Variants in CELF2 observed in about 807,000 individuals in gnomAD.
CELF2 encodes CUG triplet repeat RNA-binding protein 2.
Under a neutral mutation model 62.6 loss-of-function variants are expected in CELF2, and 8 were observed. The ratio of observed to expected loss-of-function variants is 0.13; its 90% CI spans 0.07 to 0.23. The LOEUF (loss-of-function observed/expected upper bound fraction) is 0.23. Ranked by LOEUF, CELF2 falls within the 10% of genes least tolerant of loss-of-function variation. The pLI, the probability that CELF2 is intolerant of heterozygous loss-of-function variation, is 1.00. For missense variants in CELF2, 333 were observed against 671.0 expected (o/e 0.50, Z 5.56); for synonymous variants, 258 against 250.0 (o/e 1.03, Z -0.30).
the CELF2 span, among the ~76,000 whole-genome samples, chr10:10,577,564 G>A: frequency 2.1e-5 from 3 of 144,538 alleles, no homozygotes; most frequent in Non-Finnish European, 4.5e-5. Context: ...CTGTGTCCAC[G>A]TGTTCTCATT....
At chr10:10,606,706 G>T in the CELF2 span, among the ~76,000 whole-genome samples, 1 of 152,120 alleles carries the variant, frequency 6.6e-6, no homozygotes, top group Non-Finnish European at 1.5e-5. Flanking sequence ...GTACCTTAAA[G>T]TTCTCTGGAG....
chr10:10,704,711 G>A, the CELF2 span, among the ~76,000 whole-genome samples: 8 of 151,990 alleles, frequency 5.3e-5, no homozygotes, highest in Admixed American at 1.3e-4. Flanking sequence ...CCCTCATCTC[G>A]CTGTCTGAAC....
intron 1 of CELF2, among the ~76,000 whole-genome samples, chr10:11,065,452 A>G (rs1353101575): frequency 6.6e-6 from 1 of 152,128 alleles, no homozygotes; most frequent in Non-Finnish European, 1.5e-5. Context: ...AATGCGGTAC[A>G]CTAAGTAGTT....
In CELF2 at chr10:11,242,744, C is replaced by G. The variant is rs1243448476; in HGVS notation, c.355-6409C>G. On this transcript the variant is annotated intron_variant, in intron 3 of 12. Transcript: ENST00000633077. This position sits in a 1 kb window ranked among gnomAD's most constrained non-coding sequence, Gnocchi z 4.8. ...GGCATCAGGTCCAGTCACAGGCCAG[C>G]CAGGGTGAGGACCAGGGTGGACCAC... 6.6e-6 allele frequency among the ~76,000 whole-genome samples: 1 copy of G among 152,138 alleles called. No homozygotes were observed. Among genetic ancestry groups the G allele is most frequent in the Non-Finnish European group, 1.5e-5 (1 of 68,024 alleles).
chr10:10,581,245 T>C, the CELF2 span, among the ~76,000 whole-genome samples: 1,014 of 152,308 alleles, frequency 6.7e-3, 13 homozygotes, highest in African/African-American at 0.023. Flanking sequence ...TCCCCAGATA[T>C]TAGTTTAAGT....
the CELF2 span, among the ~76,000 whole-genome samples, chr10:10,728,314 G>T: frequency 7.6e-4 from 115 of 151,378 alleles, no homozygotes; most frequent in East Asian, 0.018. Context: ...TTAGCCAGGC[G>T]TGGTGGTGTG....
In CELF2 at chr10:10,934,347, C is replaced by T. The variant is rs2066410971; in HGVS notation, c.89+14348C>T. 6.6e-6 allele frequency among the ~76,000 whole-genome samples: 1 copy of T among 152,206 alleles called. No homozygotes were observed. The highest frequency in any genetic ancestry group is 1.5e-5 in the Non-Finnish European group (1 of 68,038). On this transcript the variant is annotated intron_variant, in intron 2 of 13. Transcript: ENST00000636488. The surrounding 1 kb of genome is among the most constrained non-coding windows in gnomAD (Gnocchi z 4.4). ...AAGTCTACCGTGCTCACCTTTCTATCCTCAACACCTAGCATAGTGCCTCCA... is the reference window on the plus strand; with the variant it reads ...AAGTCTACCGTGCTCACCTTTCTATTCTCAACACCTAGCATAGTGCCTCCA...
chr10:10,930,859 G>C (rs899715539), intron 2 of CELF2, among the ~76,000 whole-genome samples: 4 of 151,980 alleles, frequency 2.6e-5, no homozygotes, highest in Admixed American at 2.6e-4. Flanking sequence ...GTAGTATAAA[G>C]CACACCCATG....
rs577791937 is a variant in CELF2 at position 10,939,722 on chromosome 10, A to T, written c.89+19723A>T. On this transcript the variant is annotated intron_variant, in intron 2 of 13. Coordinates refer to the CELF2 transcript ENST00000636488. ...GTAATCCCAGCACTTTGGGAGGCCG[A>T]GGCGGACGGATCACGAGGTCAGGAG... 3.3e-5 allele frequency among the ~76,000 whole-genome samples: 5 copies of T among 152,136 alleles called. No homozygotes were observed. The South Asian group carries it at 8.3e-4, about 25-fold the overall frequency.
Position 11,197,025 on chromosome 10 carries a change from A to AAAGAAAGAAAGAAAGAAAGAAAGGAAAG in CELF2, c.272-20398_272-20397insGAAAGAAAGAAAGAAAGAAAGGAAAGAA, listed in dbSNP as rs1554936315. Among the ~76,000 whole-genome samples the AAAGAAAGAAAGAAAGAAAGAAAGGAAAG allele has an allele frequency of 7.7e-5, 2 of 26,132 alleles. 1 individual carries two copies. The highest frequency in any genetic ancestry group is 6.2e-4 in the Admixed American group (2 of 3,218). 17.1% of individuals were successfully genotyped at this position (26,132 alleles called of 152,430 possible). A position where few individuals can be genotyped will look rare whatever the true frequency, so the allele number is the denominator to read the frequency against. On this transcript the variant is annotated intron_variant, in intron 2 of 12. Transcript: ENST00000633077. ...AGGAGAAAGAAAGAAAGAAAGAAAGAAAAGAAAGAAAGAAAGAAAGAAAGA... is the reference window on the plus strand; with the variant it reads ...AGGAGAAAGAAAGAAAGAAAGAAAGAAAGAAAGAAAGAAAGAAAGAAAGGAAAGAAAGAAAGAAAGAAAGAAAGAAAGA...
chr10:10,858,235 A>G (rs191014078), intron 1 of CELF2, among the ~76,000 whole-genome samples: 2 of 152,266 alleles, frequency 1.3e-5, no homozygotes, highest in East Asian at 3.9e-4. Context: ...GCAGGGATGG[A>G]AAATGTTGCC....
At chr10:10,663,122 A>G in the CELF2 span, among the ~76,000 whole-genome samples, 3 of 152,230 alleles carry the variant, frequency 2.0e-5, no homozygotes, top group African/African-American at 7.2e-5. Flanking sequence ...CTGAAATATT[A>G]CAGGGGCTAA....
chr10:10,527,940 T>G, the CELF2 span, among the ~76,000 whole-genome samples: 1 of 152,206 alleles, frequency 6.6e-6, no homozygotes, highest in Non-Finnish European at 1.5e-5. Context: ...CTTTTTCATT[T>G]CATTTTGAAA....
At chr10:10,491,928 A>T in the CELF2 span, among the ~76,000 whole-genome samples, 2 of 151,928 alleles carry the variant, frequency 1.3e-5, no homozygotes, top group Non-Finnish European at 2.9e-5. Context: ...CTTTTTTGCC[A>T]GGTCTTTTTT....
At chr10:10,740,869 T>G in the CELF2 span, among the ~76,000 whole-genome samples, 20 of 151,754 alleles carry the variant, frequency 1.3e-4, no homozygotes, top group African/African-American at 4.9e-4. Context: ...TATGCAGGAT[T>G]TTTTTTTAAG....
At chr10:11,173,214 A>G (rs61702993) in intron 2 of CELF2, among the ~76,000 whole-genome samples, 1 of 152,208 alleles carries the variant, frequency 6.6e-6, no homozygotes, top group Admixed American at 6.5e-5. Context: ...TTAGGCAACC[A>G]GTCCTTTGGA....
chr10:10,541,369 A>G, the CELF2 span, among the ~76,000 whole-genome samples: 2 of 152,304 alleles, frequency 1.3e-5, no homozygotes, highest in Admixed American at 1.3e-4. Context: ...CTCATGCAAG[A>G]AAGAATTCAA....
intron 1 of CELF2, among the ~76,000 whole-genome samples, chr10:11,106,206 A>ATTTT (rs1180499121): frequency 2.1e-5 from 2 of 95,900 alleles, no homozygotes; most frequent in African/African-American, 3.7e-5. Context: ...ATTTTACTTT[A>ATTTT]TTTTATTTAT....
At chr10:11,256,664 T>TAAA (rs1565589949) in intron 4 of CELF2, among the ~76,000 whole-genome samples, 1 of 71,732 alleles carries the variant, frequency 1.4e-5, no homozygotes, top group East Asian at 3.3e-4. Context: ...TGTGATGTCC[T>TAAA]TAAAAAAAAA....
Sources: gnomAD v4.1 joint callset for allele counts (sites outside exome capture counted in the v4.1 genomes callset) on GRCh38, gnomAD v4.1.1 for gene constraint, Gnocchi (gnomAD v3.1) non-coding constraint, MANE v1.5 for transcripts, NCBI Gene and HGNC (gene_info 2026-07-23, HGNC 2026-07-21) for gene names.